AMMECR1: variants seen among roughly 807,000 people sequenced by gnomAD.
AMMECR1 encodes nuclear protein AMMECR1.
AMMECR1 carries 3 observed loss-of-function variants against 22.5 expected under a neutral mutation model. That is an observed-to-expected ratio of 0.13 (90% CI 0.06 to 0.35). The LOEUF is 0.35. AMMECR1 is among the 10% of genes least tolerant of loss of function. The pLI, the probability that AMMECR1 is intolerant of heterozygous loss-of-function variation, is 1.00. For missense variants in AMMECR1, 235 were observed against 278.7 expected (o/e 0.84, Z 1.12); for synonymous variants, 130 against 116.7 (o/e 1.11, Z -0.74).
intron 2 of AMMECR1, among the ~76,000 whole-genome samples, chrX:110,222,364 CAT>C (rs1473556219): frequency 1.1e-5 from 1 of 92,061 alleles, no homozygotes; most frequent in Non-Finnish European, 2.1e-5. Flanking sequence ...CCAAACACCA[CAT>C]ATTCTCACTC....
At chrX:110,245,554 A>G (rs2067654296) in intron 2 of AMMECR1, among the ~76,000 whole-genome samples, 1 of 111,139 alleles carries the variant, frequency 9.0e-6, no homozygotes, top group African/African-American at 3.3e-5. Flanking sequence ...ATGATAGCAA[A>G]CAAAAGCCCT....
intron 3 of AMMECR1, among the ~76,000 whole-genome samples, chrX:110,214,510 A>G (rs2067463567): frequency 9.0e-6 from 1 of 111,446 alleles, no homozygotes; most frequent in Non-Finnish European, 1.9e-5. Flanking sequence ...CAGAAAGCTG[A>G]TGTATCTTTT....
At chrX:110,314,685 T>C (rs1419522603) in intron 1 of AMMECR1, among the ~76,000 whole-genome samples, 1 of 112,125 alleles carries the variant, frequency 8.9e-6, no homozygotes, top group Non-Finnish European at 1.9e-5. Context: ...AGTGCTGATT[T>C]TGAATATCAA....
At chrX:110,420,755 A>G (rs866948387) in intron 2 of AMMECR1, among the ~76,000 whole-genome samples, 4 of 111,675 alleles carry the variant, frequency 3.6e-5, no homozygotes, top group Non-Finnish European at 7.5e-5. Flanking sequence ...ACATTTTCCC[A>G]ACTGGCCTCC....
intron 2 of AMMECR1, among the ~76,000 whole-genome samples, chrX:110,423,674 C>T (rs904378702): frequency 8.9e-6 from 1 of 112,225 alleles, no homozygotes; most frequent in South Asian, 3.8e-4. Context: ...TGTGTCAGGC[C>T]CTGTACTTGT....
At chrX:110,293,941 A>G (rs1413614273) in intron 1 of AMMECR1, among the ~76,000 whole-genome samples, 3 of 111,661 alleles carry the variant, frequency 2.7e-5, no homozygotes, top group East Asian at 5.6e-4. Flanking sequence ...TCTGAGTTGT[A>G]TAACTTAGCT....
At chrX:110,221,200 T>C (rs1357386003) in intron 2 of AMMECR1, among the ~76,000 whole-genome samples, 1 of 112,016 alleles carries the variant, frequency 8.9e-6, no homozygotes, top group Non-Finnish European at 1.9e-5. Flanking sequence ...AGTCTAAAAC[T>C]AAAAGCAGTT....
chrX:110,388,565 A>G (rs2068473773), intron 2 of AMMECR1, among the ~76,000 whole-genome samples: 2 of 112,017 alleles, frequency 1.8e-5, no homozygotes, highest in Non-Finnish European at 3.8e-5. Context: ...TAGCAGATAT[A>G]GGAAAAGTTA....
At chrX:110,413,083 C>T (rs773091438) in intron 2 of AMMECR1, among the ~76,000 whole-genome samples, 1 of 111,520 alleles carries the variant, frequency 9.0e-6, no homozygotes, top group Non-Finnish European at 1.9e-5. Flanking sequence ...GTCATCTGTC[C>T]TCTCCCATAC....
chrX:110,320,446 T>A (rs1347429819), upstream of AMMECR1, among the ~76,000 whole-genome samples: 1 of 112,122 alleles, frequency 8.9e-6, no homozygotes, highest in Non-Finnish European at 1.9e-5. Flanking sequence ...ACAAAACAGT[T>A]TAGCACAGGA....
intron 2 of AMMECR1, among the ~76,000 whole-genome samples, chrX:110,394,548 C>A (rs2068516619): frequency 8.9e-6 from 1 of 112,669 alleles, no homozygotes; most frequent in African/African-American, 3.2e-5. Context: ...TTGTTTATAT[C>A]AATTAGCCTA....
intron 2 of AMMECR1, among the ~76,000 whole-genome samples, chrX:110,231,762 A>G (rs2067567836): frequency 9.0e-6 from 1 of 111,479 alleles, no homozygotes; most frequent in Non-Finnish European, 1.9e-5. Flanking sequence ...TGCTGTATTC[A>G]GGAGACCCAT....
chrX:110,196,588 C>T lies in AMMECR1; in HGVS notation c.*1932G>A, dbSNP rs1273573483. ...TCCCTTTCTAAAGCCCAACAGCTAA[C>T]TTTTTCTGACTAATCTCTAGCTTCA... On this transcript the variant is annotated 3_prime_UTR_variant, in exon 6 of 6. Coordinates refer to ENST00000262844, the MANE Select transcript of AMMECR1 (RefSeq NM_015365.3). The T allele has an allele frequency of 9.0e-6, 1 of 111,133 alleles. No individual in the cohort carries two copies. Among genetic ancestry groups the T allele is most frequent in the Non-Finnish European group, 1.9e-5 (1 of 52,973 alleles). 9.2% of individuals were successfully genotyped at this position (111,133 alleles called of 1,213,427 possible).
At chrX:110,288,435 T>A (rs1223957679) in intron 1 of AMMECR1, among the ~76,000 whole-genome samples, 1 of 112,142 alleles carries the variant, frequency 8.9e-6, no homozygotes, top group Non-Finnish European at 1.9e-5. Flanking sequence ...GCAATTTCTC[T>A]TGATTTCTCC....
intron 2 of AMMECR1, among the ~76,000 whole-genome samples, chrX:110,356,492 T>A (rs1210647763): frequency 9.0e-6 from 1 of 111,125 alleles, no homozygotes; most frequent in Non-Finnish European, 1.9e-5. Context: ...TTGCACTACA[T>A]GGTAACCACA....
chrX:110,315,412 AGTT>A (rs1359382591), intron 1 of AMMECR1, among the ~76,000 whole-genome samples: 1 of 112,231 alleles, frequency 8.9e-6, no homozygotes, highest in African/African-American at 3.2e-5. Flanking sequence ...AGATGATAAT[AGTT>A]ATTATTCTTC....
At chrX:110,417,980 T>G (rs1348040222) in intron 2 of AMMECR1, among the ~76,000 whole-genome samples, 1 of 112,821 alleles carries the variant, frequency 8.9e-6, no homozygotes, top group Non-Finnish European at 1.9e-5. Flanking sequence ...CAATGAATTG[T>G]GCCTGCAAAA....
chrX:110,308,110 C>G (rs1251697460), intron 1 of AMMECR1, among the ~76,000 whole-genome samples: 1 of 110,803 alleles, frequency 9.0e-6, no homozygotes, highest in Non-Finnish European at 1.9e-5. Context: ...CTCCTGGGTT[C>G]AAGCAATCCT....
At chrX:110,294,349 T>C (rs545025477) in intron 1 of AMMECR1, among the ~76,000 whole-genome samples, 1 of 111,987 alleles carries the variant, frequency 8.9e-6, no homozygotes. Flanking sequence ...TCTAAAAAAC[T>C]GCTAAGCTAC....
Sources: allele counts gnomAD v4.1 joint callset (sites outside exome capture counted in the v4.1 genomes callset), GRCh38; gene constraint gnomAD v4.1.1; transcripts MANE v1.5; gene names NCBI Gene and HGNC (gene_info 2026-07-23, HGNC 2026-07-21).